CADM2: variants seen among roughly 807,000 people sequenced by gnomAD.
CADM2 encodes immunoglobulin superfamily member 4D.
Under a neutral mutation model 49.8 loss-of-function variants are expected in CADM2, and 12 were observed. The observed-to-expected ratio is 0.24, with a 90% confidence interval of 0.15 to 0.39. The LOEUF is 0.39. Among genes scored for constraint, CADM2 ranks in the 10% least tolerant of loss-of-function variants. The pLI is 1.00. For synonymous variants in CADM2, 214 were observed against 175.4 expected (o/e 1.22, Z -1.74); for missense variants, 378 against 492.3 (o/e 0.77, Z 2.20).
intron 7 of CADM2, among the ~76,000 whole-genome samples, chr3:85,946,931 C>G (rs189464398): frequency 5.9e-4 from 90 of 152,132 alleles, no homozygotes; most frequent in African/African-American, 2.1e-3. Context: ...GCAGCAAAAG[C>G]CAAAATTGAT....
At chr3:85,270,258 A>G (rs2043210003) in intron 1 of CADM2, among the ~76,000 whole-genome samples, 1 of 151,396 alleles carries the variant, frequency 6.6e-6, no homozygotes, top group Non-Finnish European at 1.5e-5. Context: ...GGGAATTGCC[A>G]GAATATTCAG....
chr3:85,641,828 G>A (rs1192378063), intron 1 of CADM2, among the ~76,000 whole-genome samples: 1 of 152,016 alleles, frequency 6.6e-6, no homozygotes, highest in Non-Finnish European at 1.5e-5. Flanking sequence ...CTACTCGGGA[G>A]GCTGAGGCAG....
intron 1 of CADM2, among the ~76,000 whole-genome samples, chr3:85,410,284 GT>G (rs1249647619): frequency 6.6e-6 from 1 of 152,182 alleles, no homozygotes; most frequent in African/African-American, 2.4e-5. Context: ...TTTAGAGAAT[GT>G]TTATGCCAGA....
intron 1 of CADM2, among the ~76,000 whole-genome samples, chr3:85,371,642 T>TGTGTGC (rs1468470161): frequency 3.6e-5 from 5 of 138,682 alleles, no homozygotes; most frequent in South Asian, 4.7e-4. Context: ...TGTGTGTGTG[T>TGTGTGC]GCATGGGGAT....
intron 1 of CADM2, among the ~76,000 whole-genome samples, chr3:85,068,949 T>A (rs1182088151): frequency 6.6e-6 from 1 of 152,102 alleles, no homozygotes; most frequent in Non-Finnish European, 1.5e-5. Flanking sequence ...TAATAGAAAC[T>A]TTGTCTCATC....
chr3:85,432,752 T>C (rs1225226862), intron 1 of CADM2, among the ~76,000 whole-genome samples: 3 of 152,158 alleles, frequency 2.0e-5, no homozygotes, highest in Admixed American at 6.6e-5. Context: ...ATTACATTCT[T>C]GTAATGTACA....
At chr3:85,168,445 A>G (rs116692995) in intron 1 of CADM2, among the ~76,000 whole-genome samples, 4,220 of 152,258 alleles carry the variant, frequency 0.028, 182 homozygotes, top group African/African-American at 0.095. Flanking sequence ...TATTGATAAT[A>G]CCTGTGTGGT....
intron 6 of CADM2, among the ~76,000 whole-genome samples, chr3:85,920,920 A>G (rs1294145674): frequency 1.3e-5 from 2 of 151,632 alleles, no homozygotes; most frequent in Admixed American, 6.6e-5. Context: ...TAAGCTTATC[A>G]TCAAGTACGC....
intron 1 of CADM2, among the ~76,000 whole-genome samples, chr3:85,374,747 A>G (rs550950721): frequency 6.6e-6 from 1 of 152,142 alleles, no homozygotes; most frequent in South Asian, 2.1e-4. Flanking sequence ...GTGCAGAAAA[A>G]CTACCTTTTA....
intron 1 of CADM2, among the ~76,000 whole-genome samples, chr3:85,611,331 A>G (rs1274487915): frequency 6.6e-6 from 1 of 151,820 alleles, no homozygotes; most frequent in African/African-American, 2.4e-5. Context: ...CATTAATGGT[A>G]AAATTATTAT....
At chr3:85,093,240 G>A (rs1381584183) in intron 1 of CADM2, among the ~76,000 whole-genome samples, 1 of 151,954 alleles carries the variant, frequency 6.6e-6, no homozygotes, top group Non-Finnish European at 1.5e-5. Context: ...TATATCCTTG[G>A]CCAAGTGTGG....
chr3:85,261,706 A>G (rs1015524365), intron 1 of CADM2, among the ~76,000 whole-genome samples: 2 of 152,166 alleles, frequency 1.3e-5, no homozygotes, highest in African/African-American at 4.8e-5. Flanking sequence ...GAGATAGTAT[A>G]TAAATTCCCA....
chr3:85,244,354 A>G (rs2042601661), intron 1 of CADM2, among the ~76,000 whole-genome samples: 1 of 152,172 alleles, frequency 6.6e-6, no homozygotes, highest in Non-Finnish European at 1.5e-5. Context: ...TTTTAAAATA[A>G]GCATTGATTG....
At chr3:85,780,947 C>G (rs1459009909) in intron 2 of CADM2, among the ~76,000 whole-genome samples, 1 of 152,066 alleles carries the variant, frequency 6.6e-6, no homozygotes, top group Non-Finnish European at 1.5e-5. Flanking sequence ...TTGGACCATG[C>G]TCTTGGGACC....
rs1559950230 is a variant in CADM2, at chr3:85,624,334, CTT to C, written c.62-102183_62-102182del. Among the ~76,000 whole-genome samples, 3 of 152,038 alleles carry C rather than the reference CTT, an allele frequency of 2.0e-5. No homozygotes were observed. The South Asian group carries it at 6.2e-4, about 32-fold the overall frequency. On this transcript the variant is annotated intron_variant, in intron 1 of 9. Coordinates refer to ENST00000383699, the MANE Select transcript of CADM2 (RefSeq NM_001167675.2). ...CACTCAAAATGCTTTTATAGAAACT[CTT>C]TTTTAATTTTTTTTGAGATGGAGTC...
rs199772864 is a variant in CADM2, at chr3:85,390,079, C to A, written c.62-336443C>A. 4.6e-5 allele frequency among the ~76,000 whole-genome samples: 7 copies of A among 151,754 alleles called. 1 individual carries two copies. The East Asian group carries it at 1.4e-3, about 29-fold the overall frequency. On this transcript the variant is annotated intron_variant, in intron 1 of 9. Coordinates refer to ENST00000383699, the MANE Select transcript of CADM2 (RefSeq NM_001167675.2). ...AAAAGAATTATATAAATATGAAAAA[C>A]ACAATAAAAAACAAATTATAATGGT...
chr3:85,049,647 G>A (rs1559634896), intron 1 of CADM2, among the ~76,000 whole-genome samples: 1 of 151,986 alleles, frequency 6.6e-6, no homozygotes, highest in Non-Finnish European at 1.5e-5. Flanking sequence ...ACTGTGCCTG[G>A]CAAATATTTT....
At chr3:85,381,974 C>A (rs528815111) in intron 1 of CADM2, among the ~76,000 whole-genome samples, 1 of 151,860 alleles carries the variant, frequency 6.6e-6, no homozygotes, top group African/African-American at 2.4e-5. Flanking sequence ...GCTATTTAAA[C>A]TCACCAAGCC....
intron 1 of CADM2, among the ~76,000 whole-genome samples, chr3:85,158,423 A>G (rs1338455431): frequency 6.6e-6 from 1 of 152,198 alleles, no homozygotes; most frequent in African/African-American, 2.4e-5. Flanking sequence ...TCACAATAGC[A>G]AAGACTTGGA....
Sources: gnomAD v4.1 joint callset for allele counts (sites outside exome capture counted in the v4.1 genomes callset) on GRCh38, gnomAD v4.1.1 for gene constraint, MANE v1.5 for transcripts, NCBI Gene and HGNC (gene_info 2026-07-23, HGNC 2026-07-21) for gene names.